Variants in MAP3K3 observed in about 807,000 individuals in gnomAD.
MAP3K3 encodes the protein mitogen-activated protein kinase kinase kinase 3.
MAP3K3 carries 12 observed loss-of-function variants against 80.9 expected under a neutral mutation model. That is an observed-to-expected ratio of 0.15 (90% confidence interval 0.10 to 0.24). MAP3K3 has a LOEUF of 0.24. Among genes scored for constraint, MAP3K3 ranks in the 10% least tolerant of loss-of-function variants. MAP3K3 has a pLI of 1.00. For missense variants in MAP3K3, 596 were observed against 834.7 expected, an observed-to-expected ratio of 0.71 and a Z score of 3.52; for synonymous variants, 272 against 307.1, an observed-to-expected ratio of 0.89 and a Z score of 1.19.
chr17:63,656,650 C>T (rs2034775571), intron 4 of MAP3K3, among the ~76,000 whole-genome samples: 1 of 152,090 alleles, frequency 6.6e-6, no homozygotes, highest in Non-Finnish European at 1.5e-5. Context: ...TTGCTAGGTC[C>T]TAAGCAAGGC....
intron 7 of MAP3K3, chr17:63,682,585 G>T (rs1892458835): frequency 7.3e-6 from 1 of 136,814 alleles, no homozygotes; most frequent in African/African-American, 3.1e-5. Flanking sequence ...GATGGTTGTT[G>T]CCAGAATTCA....
intron 2 of MAP3K3, among the ~76,000 whole-genome samples, chr17:63,633,644 A>G (rs1036370603): frequency 4.6e-5 from 7 of 152,136 alleles, no homozygotes; most frequent in African/African-American, 1.7e-4. Flanking sequence ...TTTCCTTAAC[A>G]TTTAAACTTG....
intron 4 of MAP3K3, 144 bp from the exon 5 acceptor site, chr17:63,657,650 A>T (rs1272654451): frequency 1.4e-5 from 6 of 428,584 alleles, no homozygotes; most frequent in Non-Finnish European, 2.6e-5. Flanking sequence ...TTTCAACTAG[A>T]TCTCTTAAGA....
intron 2 of MAP3K3, among the ~76,000 whole-genome samples, chr17:63,641,312 G>C (rs150883584): frequency 0.018 from 2,787 of 150,814 alleles, 83 homozygotes; most frequent in African/African-American, 0.065. Context: ...GCGTGATCTC[G>C]GCTTGCTGCA....
intron 6 of MAP3K3, among the ~76,000 whole-genome samples, chr17:63,677,511 G>C (rs151256217): frequency 6.6e-6 from 1 of 152,328 alleles, no homozygotes; most frequent in East Asian, 1.9e-4. Flanking sequence ...TTGTGTTACA[G>C]TAGCAAGGGA....
intron 2 of MAP3K3, among the ~76,000 whole-genome samples, chr17:63,641,395 A>C (rs1011860056): frequency 6.6e-6 from 1 of 152,016 alleles, no homozygotes; most frequent in Non-Finnish European, 1.5e-5. Flanking sequence ...GGTGCCCGCC[A>C]CCACACCCGG....
intron 6 of MAP3K3, among the ~76,000 whole-genome samples, chr17:63,681,263 CT>C (rs1046585249): frequency 6.6e-6 from 1 of 152,036 alleles, no homozygotes; most frequent in African/African-American, 2.4e-5. Flanking sequence ...AGGGGAGACA[CT>C]GGCTGGGGGA....
In MAP3K3 at chr17:63,681,799, C is replaced by A; in HGVS notation, c.536C>A (p.Pro179His). The A allele has an allele frequency of 6.5e-7, 1 of 1,542,114 alleles. No individual in the cohort carries two copies. Among genetic ancestry groups the A allele is most frequent in the Non-Finnish European group, 8.8e-7 (1 of 1,139,820 alleles). ...AACCCTGGCCGAAGCTCACCTCCCC[C>A]TGGCTATGTTCCTGAGCGGCAGCAG... ...SQNPGRSSPP[P>H]GYVPERQQHI... is the part of the protein sequence containing the mutation. Residue 179 changes from proline to histidine, a missense_variant, in exon 7 of 16, where the codon CCT (proline) becomes CAT (histidine). Physicochemically the swap from Pro to His is moderately conservative, Grantham distance 77. Around this residue, in one of 2 missense-constraint regions of MAP3K3, gnomAD observed 232 missense variants for 245.8 expected, o/e 0.94. Coordinates refer to ENST00000361733, the MANE Select transcript of MAP3K3 (RefSeq NM_002401.5).
intron 5 of MAP3K3, 109 bp from the exon 6 acceptor site, chr17:63,666,831 G>C: frequency 8.2e-7 from 1 of 1,218,074 alleles, no homozygotes; most frequent in Non-Finnish European, 1.2e-6. Flanking sequence ...TGTATTAAAA[G>C]CATGAAGGTG....
At chr17:63,686,617 G>GT (rs955417662) in intron 8 of MAP3K3, among the ~76,000 whole-genome samples, 13 of 152,290 alleles carry the variant, frequency 8.5e-5, no homozygotes, top group African/African-American at 3.1e-4. Flanking sequence ...CAGCCCCCTT[G>GT]TGCCACTGCC....
At chr17:63,623,158 C>T (rs1199388773) in intron 1 of MAP3K3, among the ~76,000 whole-genome samples, 2 of 152,128 alleles carry the variant, frequency 1.3e-5, no homozygotes, top group African/African-American at 4.8e-5. Flanking sequence ...GGCCCAGCTG[C>T]TGTTGTGTCT....
chr17:63,689,122 G>A lies in MAP3K3; in HGVS notation c.871+241G>A. The A allele has an allele frequency of 1.7e-6, 1 of 582,676 alleles. No individual in the cohort carries two copies. The allele number at this position is 582,676 out of a possible 1,614,324, so 36.1% of individuals were successfully genotyped here. A position where few individuals can be genotyped will look rare whatever the true frequency, so the allele number is the denominator to read the frequency against. On this transcript the variant is annotated intron_variant, in intron 10 of 15. Transcript: ENST00000361733. This position sits in a 1 kb window ranked among gnomAD's most constrained non-coding sequence, Gnocchi z 4.3. ...TTTGAAGCCAGTGGTGTGCTCCAGGGGCACCATCTCTCCCATGTCCTCTTC... is the reference window on the plus strand; with the variant it reads ...TTTGAAGCCAGTGGTGTGCTCCAGGAGCACCATCTCTCCCATGTCCTCTTC...
Position 63,689,109 on chromosome 17 carries a change from G to A in MAP3K3, c.871+228G>A, listed in dbSNP as rs982229292. 3.4e-6 allele frequency: 2 copies of A among 588,252 alleles called. No individual in the cohort carries two copies. Among genetic ancestry groups the A allele is most frequent in the African/African-American group, 3.7e-5 (2 of 53,548 alleles). The allele number at this position is 588,252 out of a possible 1,614,324, so 36.4% of individuals were successfully genotyped here. A position where few individuals can be genotyped will look rare whatever the true frequency, so the allele number is the denominator to read the frequency against. On this transcript the variant is annotated intron_variant, in intron 10 of 15. Transcript: ENST00000361733. The surrounding 1 kb of genome is among the most constrained non-coding windows in gnomAD (Gnocchi z 4.3). The stretch of plus-strand genomic sequence containing the variant: ...AACTCTGACCTTGTTTGAAGCCAGT[G>A]GTGTGCTCCAGGGGCACCATCTCTC...
rs556176970 is a variant in MAP3K3 at position 63,647,440 on chromosome 17, GCAGTTAGGCTCTC to G, written c.167+1368_167+1380del. Among the ~76,000 whole-genome samples the G allele has an allele frequency of 4.5e-3, 688 of 152,272 alleles. 4 individuals are homozygous for G. The highest frequency in any genetic ancestry group is 7.0e-3 in the Non-Finnish European group (479 of 68,028). On this transcript the variant is annotated intron_variant, in intron 3 of 15. Coordinates refer to ENST00000361733, the MANE Select transcript of MAP3K3 (RefSeq NM_002401.5). ...CACAATTGTGTTGGAGCCCAATTAC[GCAGTTAGGCTCTC>G]CTGAATTCCCTGTTCCCAAAGTGGT... is the stretch of plus-strand genomic sequence containing the variant.
At chr17:63,640,035 T>C (rs2034409462) in intron 2 of MAP3K3, among the ~76,000 whole-genome samples, 1 of 152,114 alleles carries the variant, frequency 6.6e-6, no homozygotes, top group Admixed American at 6.5e-5. Flanking sequence ...GCTCCCTGGC[T>C]GTGAGGAGGA....
intron 11 of MAP3K3, 164 bp from the exon 12 acceptor site, chr17:63,690,100 C>A: frequency 1.3e-6 from 1 of 761,128 alleles, no homozygotes; most frequent in Non-Finnish European, 2.1e-6. Context: ...GTCCGAGTGA[C>A]TAGGGCACTG....
intron 6 of MAP3K3, among the ~76,000 whole-genome samples, chr17:63,680,194 C>A (rs2035301637): frequency 6.6e-6 from 1 of 152,132 alleles, no homozygotes; most frequent in African/African-American, 2.4e-5. Flanking sequence ...AGAAACCAGC[C>A]AGCAAGGAAA....
In MAP3K3 at chr17:63,652,634, A is replaced by G. The variant is rs2034680572; in HGVS notation, c.245A>G (p.Asp82Gly). 29 of 1,613,180 alleles carry G rather than the reference A, an allele frequency of 1.8e-5. No individual in the cohort carries two copies. Among genetic ancestry groups the G allele is most frequent in the Non-Finnish European group, 2.4e-5 (28 of 1,179,232 alleles). ...KVTTVFGQPLDLHYMNNELSI... is the reference protein window; with the variant it reads ...KVTTVFGQPLGLHYMNNELSI... ...ACAACAGTATTTGGACAACCTCTTG[A>G]TCTACATTACATGAACAATGAGGTG... Residue 82 changes from aspartate (D) to glycine (G), a missense_variant, in exon 4 of 16, where the codon GAT becomes GGT. By Grantham distance (94) the Asp-to-Gly change is moderately conservative (BLOSUM62 -1). Coordinates refer to ENST00000361733, the MANE Select transcript of MAP3K3 (RefSeq NM_002401.5).
intron 5 of MAP3K3, among the ~76,000 whole-genome samples, chr17:63,659,713 A>C (rs1259059271): frequency 6.6e-6 from 1 of 151,406 alleles, no homozygotes; most frequent in African/African-American, 2.4e-5. Flanking sequence ...TTGTATTTTT[A>C]GTAGAGAAGG....
Sources: gnomAD v4.1 joint callset for allele counts (sites outside exome capture counted in the v4.1 genomes callset) on GRCh38, gnomAD v4.1.1 for gene constraint, gnomAD v4.1.1 regional missense constraint, Gnocchi (gnomAD v3.1) non-coding constraint, MANE v1.5 for transcripts, NCBI Gene and HGNC (gene_info 2026-07-23, HGNC 2026-07-21) for gene names.